The following NAALADL2 variants were observed in gnomAD, a reference collection of about 807,000 sequenced individuals.
NAALADL2 encodes the protein inactive N-acetylated-alpha-linked acidic dipeptidase-like protein 2.
A neutral mutation model predicts 87.2 loss-of-function variants in NAALADL2; 76 were observed. The ratio of observed to expected loss-of-function variants is 0.87; its 90% confidence interval spans 0.72 to 1.05. NAALADL2 has a LOEUF of 1.05. Among genes scored for constraint, NAALADL2 ranks in the 50% least tolerant of loss-of-function variants. The pLI, the probability that NAALADL2 is intolerant of heterozygous loss-of-function variation, is 0.00. For synonymous variants in NAALADL2, 354 were observed against 331.0 expected (o/e 1.07, Z -0.75); for missense variants, 1,089 against 945.8 (o/e 1.15, Z -1.99).
At chr3:174,928,487 G>T (rs752758099) in intron 1 of NAALADL2, among the ~76,000 whole-genome samples, 2 of 152,000 alleles carry the variant, frequency 1.3e-5, no homozygotes, top group African/African-American at 2.4e-5. Flanking sequence ...GGATTCACCC[G>T]CCTCGGCCTC....
At chr3:175,561,156 C>T (rs1716212399) in intron 9 of NAALADL2, among the ~76,000 whole-genome samples, 1 of 152,110 alleles carries the variant, frequency 6.6e-6, no homozygotes, top group Non-Finnish European at 1.5e-5. Flanking sequence ...GTTATTGGAG[C>T]ATTGGTTCTA....
At chr3:175,627,557 T>C (rs986096806) in intron 11 of NAALADL2, among the ~76,000 whole-genome samples, 171 bp downstream of exon 11, 1 of 126,784 alleles carries the variant, frequency 7.9e-6, no homozygotes, top group Admixed American at 8.9e-5. Context: ...AAATAATTCA[T>C]TCAAGATCAT....
rs143871400 is a variant in NAALADL2, at chr3:175,738,923, T to C, written c.1990+1524T>C. On this transcript the variant is annotated intron_variant, in intron 12 of 13. Transcript: ENST00000454872. The stretch of plus-strand genomic sequence containing the variant: ...GAATAATAAATATCATTTTTGCAAA[T>C]ATTTTTTTAAACAGTAATTTTATTT... Among the ~76,000 whole-genome samples, 548 of 152,284 alleles carry C rather than the reference T, an allele frequency of 3.6e-3. 16 individuals are homozygous for C. Among genetic ancestry groups the C allele is most frequent in the Admixed American group, 0.034 (518 of 15,298 alleles).
rs1006088135 is a variant in NAALADL2, at chr3:175,489,954, T to C, written c.1653+18196T>C. ...TAGGAAAGTAACACCTAGATTTTTC[T>C]TGGTACCCATACCCTCCTCCGTTTT... On this transcript the variant is annotated intron_variant, in intron 9 of 13. Coordinates refer to ENST00000454872, the MANE Select transcript of NAALADL2 (RefSeq NM_207015.3). Among the ~76,000 whole-genome samples, 42 of 152,316 alleles carry C rather than the reference T, an allele frequency of 2.8e-4. 4 individuals are homozygous for C. Among genetic ancestry groups the C allele is most frequent in the Admixed American group, 1.3e-3 (20 of 15,302 alleles).
intron 1 of NAALADL2, among the ~76,000 whole-genome samples, chr3:174,933,758 A>G (rs1030328092): frequency 3.3e-5 from 5 of 152,170 alleles, no homozygotes; most frequent in African/African-American, 4.8e-5. Context: ...AGGAAAAGGA[A>G]CTCCCAAATT....
At chr3:174,761,026 C>G (rs889231657) in intron 3 of NAALADL2, among the ~76,000 whole-genome samples, 2 of 152,314 alleles carry the variant, frequency 1.3e-5, no homozygotes, top group African/African-American at 4.8e-5. Flanking sequence ...GCCCATTAAA[C>G]TTAACTTTCT....
chr3:174,724,174 A>G lies in NAALADL2; in HGVS notation c.-114-13467A>G, dbSNP rs551424981. 3.9e-5 allele frequency among the ~76,000 whole-genome samples: 6 copies of G among 152,326 alleles called. No individual in the cohort carries two copies. In the East Asian group the frequency reaches 1.2e-3, roughly 29 times the overall value. On this transcript the variant is annotated intron_variant, in intron 2 of 3. Transcript: ENST00000434257. ...AACTAAAATATGAAAGTCTTGCTCA[A>G]ATAAAAATCATGCCATGTAGAGTTT... is the stretch of plus-strand genomic sequence containing the variant.
In NAALADL2 at chr3:175,234,074, CTG is replaced by C; in HGVS notation, c.692_693del (p.Val231AspfsTer12). On this transcript the variant is annotated frameshift_variant, in exon 3 of 14. Coordinates refer to ENST00000454872, the MANE Select transcript of NAALADL2 (RefSeq NM_207015.3). LOFTEE classifies it high-confidence loss of function. ...GATCTGCCAGGCCCTTCTCCCAGCA[CTG>C]TGACTCTGAGCAGCAGTGGTCAATG... 6.2e-7 allele frequency: 1 copy of C among 1,613,940 alleles called. No individual in the cohort carries two copies. Among genetic ancestry groups the C allele is most frequent in the Non-Finnish European group, 8.5e-7 (1 of 1,179,858 alleles).
intron 1 of NAALADL2, among the ~76,000 whole-genome samples, chr3:175,039,387 C>T (rs1000742591): frequency 2.5e-4 from 38 of 152,162 alleles, no homozygotes; most frequent in African/African-American, 8.9e-4. Flanking sequence ...AGGCTGGTCT[C>T]GAACTCCTGA....
At chr3:174,860,966 A>G (rs1230700044) in intron 1 of NAALADL2, among the ~76,000 whole-genome samples, 1 of 152,124 alleles carries the variant, frequency 6.6e-6, no homozygotes, top group Non-Finnish European at 1.5e-5. Flanking sequence ...TCAGAAAACC[A>G]TGCACAAAAT....
intron 9 of NAALADL2, among the ~76,000 whole-genome samples, chr3:175,549,428 T>A (rs1482107783): frequency 6.6e-6 from 1 of 152,008 alleles, no homozygotes; most frequent in Non-Finnish European, 1.5e-5. Flanking sequence ...ATTATTTTGG[T>A]CTATATGAAT....
chr3:175,074,017 T>C (rs1320599294), intron 1 of NAALADL2, among the ~76,000 whole-genome samples: 1 of 152,028 alleles, frequency 6.6e-6, no homozygotes, highest in Non-Finnish European at 1.5e-5. Flanking sequence ...GTTTTTTGTT[T>C]CTCTCATTCT....
At chr3:175,751,387 TAGAG>T (rs910223525) in intron 12 of NAALADL2, among the ~76,000 whole-genome samples, 64 of 152,168 alleles carry the variant, frequency 4.2e-4, no homozygotes, top group African/African-American at 1.3e-3. Context: ...GAAGAAGTGA[TAGAG>T]AGTAACATCT....
intron 2 of NAALADL2, among the ~76,000 whole-genome samples, chr3:175,210,256 G>A (rs1224399726): frequency 6.6e-6 from 1 of 151,632 alleles, no homozygotes; most frequent in Non-Finnish European, 1.5e-5. Flanking sequence ...TATATAAAAT[G>A]TTATGGTATA....
chr3:174,787,097 T>C (rs1392520915), intron 3 of NAALADL2, among the ~76,000 whole-genome samples: 2 of 151,980 alleles, frequency 1.3e-5, no homozygotes, highest in Admixed American at 6.6e-5. Flanking sequence ...AAATACAATA[T>C]ATTGCTTTAC....
At chr3:174,959,472 A>G (rs2108548002) in intron 1 of NAALADL2, among the ~76,000 whole-genome samples, 1 of 152,158 alleles carries the variant, frequency 6.6e-6, no homozygotes, top group South Asian at 2.1e-4. Context: ...ACAGAGGGGC[A>G]CTAGTGCGGT....
At chr3:175,517,624 C>G (rs935573410) in intron 9 of NAALADL2, among the ~76,000 whole-genome samples, 1 of 152,032 alleles carries the variant, frequency 6.6e-6, no homozygotes, top group Non-Finnish European at 1.5e-5. Flanking sequence ...GACAACAAAA[C>G]AGGTAATGAA....
At chr3:174,823,241 T>C (rs1320960613) in intron 3 of NAALADL2, among the ~76,000 whole-genome samples, 5 of 149,508 alleles carry the variant, frequency 3.3e-5, no homozygotes, top group African/African-American at 9.8e-5. Flanking sequence ...TTTCCTCTTC[T>C]TTTTTTTTTC....
At chr3:175,269,502 C>T (rs1365302526) in intron 4 of NAALADL2, among the ~76,000 whole-genome samples, 3 of 152,192 alleles carry the variant, frequency 2.0e-5, no homozygotes, top group African/African-American at 7.2e-5. Context: ...CCGTTATAAT[C>T]TTACGTGACC....
Sources: gnomAD v4.1 joint callset for allele counts (sites outside exome capture counted in the v4.1 genomes callset) on GRCh38, gnomAD v4.1.1 for gene constraint, MANE v1.5 for transcripts, NCBI Gene and HGNC (gene_info 2026-07-23, HGNC 2026-07-21) for gene names.